BMP6: variants seen among roughly 807,000 people sequenced by gnomAD.
The protein encoded by BMP6 is VG-1-R.
Under a neutral mutation model 54.1 loss-of-function variants are expected in BMP6, and 17 were observed. The ratio of observed to expected loss-of-function variants is 0.31; its 90% CI spans 0.22 to 0.47. The LOEUF is 0.47. BMP6 is among the 20% of genes least tolerant of loss of function. The pLI is 1.00. For missense variants in BMP6, 720 were observed against 690.4 expected, an observed-to-expected ratio of 1.04 and a Z score of -0.48; for synonymous variants, 328 against 291.2, an observed-to-expected ratio of 1.13 and a Z score of -1.28.
intron 1 of BMP6, among the ~76,000 whole-genome samples, chr6:7,797,846 G>C (rs528000517): frequency 6.6e-6 from 1 of 152,284 alleles, no homozygotes; most frequent in Non-Finnish European, 1.5e-5. Flanking sequence ...TTTGTTTTAT[G>C]TGTGTTTTTC....
chr6:7,827,760 A>G (rs1758721466), intron 1 of BMP6, among the ~76,000 whole-genome samples: 1 of 152,240 alleles, frequency 6.6e-6, no homozygotes. Flanking sequence ...AAAAATGCAA[A>G]TAAGTGCATG....
chr6:7,794,645 T>TG (rs1005489505), intron 1 of BMP6, among the ~76,000 whole-genome samples: 1 of 149,004 alleles, frequency 6.7e-6, no homozygotes, highest in Non-Finnish European at 1.5e-5. Flanking sequence ...GTAAAGGGTA[T>TG]GGGAAAGTAA....
chr6:7,765,574 A>T (rs1159035320), intron 1 of BMP6, among the ~76,000 whole-genome samples: 1 of 152,196 alleles, frequency 6.6e-6, no homozygotes, highest in African/African-American at 2.4e-5. Flanking sequence ...TCCCAGGGGG[A>T]GGGACCACCC....
intron 1 of BMP6, among the ~76,000 whole-genome samples, chr6:7,792,699 G>A (rs1376707472): frequency 6.6e-6 from 1 of 152,222 alleles, no homozygotes; most frequent in Admixed American, 6.5e-5. Context: ...ACAAGGCAGA[G>A]CCAGTAACAG....
intron 1 of BMP6, among the ~76,000 whole-genome samples, chr6:7,765,009 T>G (rs1030274439): frequency 6.6e-6 from 1 of 152,222 alleles, no homozygotes; most frequent in Non-Finnish European, 1.5e-5. Flanking sequence ...CTGGCCAAAT[T>G]TTTTCTCGAT....
intron 2 of BMP6, among the ~76,000 whole-genome samples, chr6:7,846,691 T>C (rs1457589646): frequency 2.0e-5 from 3 of 152,236 alleles, no homozygotes; most frequent in Non-Finnish European, 4.4e-5. Context: ...TTTTCTGATA[T>C]CTGATTCTCA....
At chr6:7,770,946 TGA>T (rs1389688474) in intron 1 of BMP6, among the ~76,000 whole-genome samples, 13 of 152,310 alleles carry the variant, frequency 8.5e-5, no homozygotes, top group Middle Eastern at 6.8e-3. Context: ...CTGCCAGCAT[TGA>T]GAGTCATTGA....
intron 1 of BMP6, among the ~76,000 whole-genome samples, chr6:7,746,558 C>A (rs995337679): frequency 6.6e-6 from 1 of 152,070 alleles, no homozygotes; most frequent in African/African-American, 2.4e-5. Flanking sequence ...CCAAGAGGGG[C>A]AATTAGGTGA....
intron 1 of BMP6, among the ~76,000 whole-genome samples, chr6:7,839,952 T>C (rs1758940811): frequency 6.6e-6 from 1 of 152,250 alleles, no homozygotes; most frequent in Non-Finnish European, 1.5e-5. Flanking sequence ...TCTCTAAATC[T>C]TTATCAACAC....
At chr6:7,765,608 A>G (rs1219253168) in intron 1 of BMP6, among the ~76,000 whole-genome samples, 1 of 152,202 alleles carries the variant, frequency 6.6e-6, no homozygotes, top group Non-Finnish European at 1.5e-5. Flanking sequence ...TCTATCACTA[A>G]TTGGCTTGAC....
intron 1 of BMP6, among the ~76,000 whole-genome samples, chr6:7,824,894 G>GA (rs930984890): frequency 1.3e-5 from 2 of 152,184 alleles, no homozygotes; most frequent in African/African-American, 4.8e-5. Flanking sequence ...GGGAAAAAGG[G>GA]AAAAGGTAGG....
At chr6:7,818,139 A>G (rs1758557810) in intron 1 of BMP6, among the ~76,000 whole-genome samples, 1 of 152,246 alleles carries the variant, frequency 6.6e-6, no homozygotes, top group Non-Finnish European at 1.5e-5. Context: ...ATTGCAGCAG[A>G]TCAAAAATAA....
chr6:7,792,575 C>T (rs1320934840), intron 1 of BMP6, among the ~76,000 whole-genome samples: 1 of 152,164 alleles, frequency 6.6e-6, no homozygotes, highest in Non-Finnish European at 1.5e-5. Flanking sequence ...CAGATACAAA[C>T]ACATAGACAG....
rs146710919 is a variant in BMP6 at position 7,726,883 on chromosome 6, GCGGCCGCGCTC to G, written c.-67_-57del. On this transcript the variant is annotated 5_prime_UTR_variant, in exon 1 of 7. Transcript: ENST00000283147. ...GGGACTGCTCACGCCAAGGGCCACA[GCGGCCGCGCTC>G]CGGCCTCGCTCCGCCGCTCCACGCC... is the stretch of plus-strand genomic sequence containing the variant. 0.016 allele frequency: 16,146 copies of G among 1,005,476 alleles called. 409 individuals carry two copies. The East Asian group carries it at 0.18, about 11-fold the overall frequency. 62.3% of individuals were successfully genotyped at this position (1,005,476 alleles called of 1,614,324 possible). A position where few individuals can be genotyped will look rare whatever the true frequency, so the allele number is the denominator to read the frequency against.
At chr6:7,839,049 A>G (rs1162251231) in intron 1 of BMP6, among the ~76,000 whole-genome samples, 1 of 152,214 alleles carries the variant, frequency 6.6e-6, no homozygotes, top group African/African-American at 2.4e-5. Flanking sequence ...GCTAGTTTAA[A>G]AGAGACTTAA....
chr6:7,880,212 GAGT>G lies in BMP6; in HGVS notation c.1413_1415del (p.Glu471_Tyr472delinsAsp). The G allele has an allele frequency of 6.2e-7, 1 of 1,614,098 alleles. No individual in the cohort carries two copies. Among genetic ancestry groups the G allele is most frequent in the Non-Finnish European group, 8.5e-7 (1 of 1,180,028 alleles). On this transcript the variant is annotated inframe_deletion, in exon 7 of 7. Transcript: ENST00000283147. ...GGAACAGGTTCACCTTATGAACCCCGAGTATGTCCCCAAACCGTGCTGTGCGCC... is the reference window on the plus strand; with the variant it reads ...GGAACAGGTTCACCTTATGAACCCCGATGTCCCCAAACCGTGCTGTGCGCC...
Position 7,726,965 on chromosome 6 carries a change from C to G in BMP6, c.10C>G (p.Leu4Val). 1 of 1,135,000 alleles carries G rather than the reference C, an allele frequency of 8.8e-7. No homozygotes were observed. The highest frequency in any genetic ancestry group is 1.1e-6 in the Non-Finnish European group (1 of 926,098). The allele number at this position is 1,135,000 out of a possible 1,614,324, so 70.3% of individuals were successfully genotyped here. A position where few individuals can be genotyped will look rare whatever the true frequency, so the allele number is the denominator to read the frequency against. The change falls in exon 1 of 7, where the codon CTG (leucine) becomes GTG (valine). Residue 4 changes from leucine to valine, a missense_variant. Around this residue, in one of 3 missense-constraint regions of BMP6, gnomAD observed 650 missense variants for 556.3 expected, o/e 1.17. Coordinates refer to ENST00000283147, the MANE Select transcript of BMP6 (RefSeq NM_001718.6). MPG[L>V]GRRAQWLCWW... is the part of the protein sequence containing the mutation. ...GCCCGGCCGGGCGGGGATGCCGGGG[C>G]TGGGGCGGAGGGCGCAGTGGCTGTG... is the stretch of plus-strand genomic sequence containing the variant.
At chr6:7,816,104 C>T (rs1202364730) in intron 1 of BMP6, among the ~76,000 whole-genome samples, 3 of 152,152 alleles carry the variant, frequency 2.0e-5, no homozygotes, top group Non-Finnish European at 4.4e-5. Flanking sequence ...GAAGTCCGGT[C>T]TCCTAGGTTG....
chr6:7,740,683 C>T (rs150908422), intron 1 of BMP6, among the ~76,000 whole-genome samples: 4 of 152,224 alleles, frequency 2.6e-5, no homozygotes, highest in East Asian at 1.9e-4. Context: ...CTTCGACAAG[C>T]GGTGACTGAG....
Sources: gnomAD v4.1 joint callset for allele counts (sites outside exome capture counted in the v4.1 genomes callset) on GRCh38, gnomAD v4.1.1 for gene constraint, gnomAD v4.1.1 regional missense constraint, MANE v1.5 for transcripts, NCBI Gene and HGNC (gene_info 2026-07-23, HGNC 2026-07-21) for gene names.